The following FAM135B variants were observed in gnomAD, a reference collection of about 807,000 sequenced individuals.
FAM135B encodes the protein protein FAM135B.
A neutral mutation model predicts 127.7 loss-of-function variants in FAM135B; 43 were observed. That is an observed-to-expected ratio of 0.34 (90% CI 0.26 to 0.43). The LOEUF (loss-of-function observed/expected upper bound fraction) is 0.43. FAM135B is among the 20% of genes least tolerant of loss of function. The pLI, the probability that FAM135B is intolerant of heterozygous loss-of-function variation, is 1.00. For synonymous variants in FAM135B, 670 were observed against 665.1 expected (o/e 1.01, Z -0.11); for missense variants, 1,558 against 1,725.6 (o/e 0.90, Z 1.72).
rs769622327 is a variant in FAM135B at position 138,142,995 on chromosome 8, C to G, written c.3638+17G>C. 7.4e-7 allele frequency: 1 copy of G among 1,359,682 alleles called. No homozygotes were observed. Among genetic ancestry groups the G allele is most frequent in the South Asian group, 1.2e-5 (1 of 85,708 alleles). 84.2% of individuals were successfully genotyped at this position (1,359,682 alleles called of 1,614,324 possible). On this transcript the variant is annotated intron_variant, in intron 16 of 19. Coordinates refer to ENST00000395297, the MANE Select transcript of FAM135B (RefSeq NM_015912.4). The stretch of plus-strand genomic sequence containing the variant: ...CCCCTCTTCCCCCAGCATTAACTAC[C>G]TGTGGTTTCCTTTTACCTAATTCGG...
intron 7 of FAM135B, among the ~76,000 whole-genome samples, chr8:138,215,192 C>G (rs1296229552): frequency 6.6e-6 from 1 of 152,140 alleles, no homozygotes; most frequent in African/African-American, 2.4e-5. Flanking sequence ...CCACAATCTA[C>G]CTAATCTTGG....
chr8:138,302,955 G>A (rs1198338842), intron 3 of FAM135B, among the ~76,000 whole-genome samples: 1 of 152,220 alleles, frequency 6.6e-6, no homozygotes, highest in Admixed American at 6.5e-5. Context: ...GAGAGGTTGT[G>A]GACAAATAGG....
At chr8:138,325,047 C>CTTCT in intron 2 of FAM135B, among the ~76,000 whole-genome samples, 1 of 152,232 alleles carries the variant, frequency 6.6e-6, no homozygotes, top group Non-Finnish European at 1.5e-5. Flanking sequence ...AGCCCATATT[C>CTTCT]TTCTTTCTTT....
chr8:138,451,021 C>A (rs772330212), intron 1 of FAM135B, among the ~76,000 whole-genome samples: 1 of 152,124 alleles, frequency 6.6e-6, no homozygotes, highest in Non-Finnish European at 1.5e-5. Flanking sequence ...GTGCTGTGAT[C>A]CAAATCCAGG....
intron 3 of FAM135B, among the ~76,000 whole-genome samples, chr8:138,304,637 A>G (rs1430985649): frequency 1.3e-5 from 2 of 152,232 alleles, no homozygotes; most frequent in African/African-American, 2.4e-5. Context: ...ACAGGAGCTG[A>G]GATGAGTCAA....
chr8:138,324,606 A>T (rs957525128), intron 2 of FAM135B, among the ~76,000 whole-genome samples: 2 of 152,206 alleles, frequency 1.3e-5, no homozygotes, highest in Non-Finnish European at 2.9e-5. Flanking sequence ...TGTTCCAACC[A>T]CTATGCTCAC....
rs763921039 is a variant in FAM135B, at chr8:138,151,274, G to A, written c.3201C>T (p.Thr1067=). 1.2e-6 allele frequency: 2 copies of A among 1,613,246 alleles called. No homozygotes were observed. Among genetic ancestry groups the A allele is most frequent in the South Asian group, 1.1e-5 (1 of 90,900 alleles). The change falls in exon 13 of 20, where the codon ACC becomes ACT. Residue 1067 remains threonine, a synonymous_variant. Transcript: ENST00000395297. The part of the protein sequence containing the change: ...FSSKQTLFPI[T]HQPLGSFGVV... ...CTCCAAAGGATCCCAAAGGCTGATG[G>A]GTGATGGGAAACAGGGTCTGTTTGG...
chr8:138,264,029 G>T (rs1822731763), intron 4 of FAM135B, among the ~76,000 whole-genome samples: 1 of 152,068 alleles, frequency 6.6e-6, no homozygotes, highest in Non-Finnish European at 1.5e-5. Flanking sequence ...CACAATGCTG[G>T]GCCTCCCTGC....
intron 17 of FAM135B, 151 bp from the exon 18 acceptor site, chr8:138,139,247 T>TAA (rs2130569693): frequency 3.5e-6 from 2 of 573,186 alleles, no homozygotes; most frequent in East Asian, 5.9e-5. Context: ...GTTGGGAAGT[T>TAA]AGAGGTAAAT....
intron 7 of FAM135B, among the ~76,000 whole-genome samples, chr8:138,231,799 C>T (rs867564406): frequency 5.3e-5 from 8 of 152,186 alleles, no homozygotes; most frequent in Middle Eastern, 3.4e-3. Context: ...TAAAAATATC[C>T]AGCCGAGAGC....
At chr8:138,370,398 C>T (rs1230330622) in intron 1 of FAM135B, among the ~76,000 whole-genome samples, 1 of 152,024 alleles carries the variant, frequency 6.6e-6, no homozygotes, top group Non-Finnish European at 1.5e-5. Flanking sequence ...ACCAAACACC[C>T]ATAATGCAGT....
chr8:138,461,225 A>G (rs1398729472), intron 1 of FAM135B, among the ~76,000 whole-genome samples: 2 of 152,156 alleles, frequency 1.3e-5, no homozygotes, highest in African/African-American at 4.8e-5. Flanking sequence ...CAGCTGAGAT[A>G]TGCAGGGGTG....
At chr8:138,367,860 AACACACACACACAC>A in intron 2 of FAM135B, 33 bp downstream of exon 2, 8 of 1,239,800 alleles carry the variant, frequency 6.5e-6, no homozygotes, top group South Asian at 1.3e-5. Context: ...AGAAACAAAC[AACACACACACACAC>A]ACACACACAC....
At position 138,350,770 on chromosome 8, in the gene FAM135B, G is replaced by A. The variant is rs530245176; in HGVS notation, c.77+17137C>T. On this transcript the variant is annotated intron_variant, in intron 2 of 19. Transcript: ENST00000395297. ...CCTGTTTCCTTATTCATACATTAAG[G>A]AAGCTAAGCTGTGTGATATATAAGC... is the stretch of plus-strand genomic sequence containing the variant. Among the ~76,000 whole-genome samples the A allele has an allele frequency of 1.8e-4, 27 of 152,256 alleles. No individual in the cohort carries two copies. In the East Asian group the frequency reaches 4.1e-3, roughly 23 times the overall value.
intron 7 of FAM135B, among the ~76,000 whole-genome samples, chr8:138,213,075 G>A (rs1381695006): frequency 3.3e-5 from 5 of 152,042 alleles, no homozygotes; most frequent in East Asian, 1.9e-4. Flanking sequence ...CCATCCCATC[G>A]GGGTCCACTT....
At chr8:138,206,897 C>A (rs922026536) in intron 7 of FAM135B, among the ~76,000 whole-genome samples, 9 of 151,998 alleles carry the variant, frequency 5.9e-5, no homozygotes, top group Non-Finnish European at 1.3e-4. Flanking sequence ...TCCCCTCCAC[C>A]TACACACAAC....
intron 1 of FAM135B, among the ~76,000 whole-genome samples, chr8:138,417,457 G>A (rs960174772): frequency 2.0e-5 from 3 of 152,136 alleles, no homozygotes; most frequent in African/African-American, 7.2e-5. Context: ...TGCTTTGCTA[G>A]TGCTCACTCG....
At chr8:138,420,868 A>G (rs1009816547) in intron 1 of FAM135B, among the ~76,000 whole-genome samples, 2 of 152,248 alleles carry the variant, frequency 1.3e-5, no homozygotes, top group Admixed American at 6.5e-5. Flanking sequence ...TGTCTAAGGC[A>G]AACCTACAAG....
chr8:138,338,932 A>G (rs1204419195), intron 2 of FAM135B, among the ~76,000 whole-genome samples: 4 of 152,092 alleles, frequency 2.6e-5, no homozygotes, highest in Admixed American at 2.0e-4. Flanking sequence ...ATGCAGCCAT[A>G]AAAAATGATG....
Sources: gnomAD v4.1 joint callset for allele counts (sites outside exome capture counted in the v4.1 genomes callset) on GRCh38, gnomAD v4.1.1 for gene constraint, MANE v1.5 for transcripts, NCBI Gene and HGNC (gene_info 2026-07-23, HGNC 2026-07-21) for gene names.